Variants in EPB41L4B observed in about 807,000 individuals in gnomAD.
EPB41L4B encodes the protein erythrocyte membrane protein band 4.1 like 4B, also known as band 4.1-like protein 4B.
EPB41L4B carries 30 observed loss-of-function variants against 112.5 expected under a neutral mutation model. That is an observed-to-expected ratio of 0.27 (90% CI 0.20 to 0.36). The LOEUF is 0.36. Among genes scored for constraint, EPB41L4B ranks in the 10% least tolerant of loss-of-function variants. EPB41L4B has a pLI of 1.00. For missense variants in EPB41L4B, 1,024 were observed against 1,133.3 expected, an observed-to-expected ratio of 0.90 and a Z score of 1.38; for synonymous variants, 408 against 439.7, an observed-to-expected ratio of 0.93 and a Z score of 0.90.
chr9:109,294,010 T>G (rs1055438318), intron 1 of EPB41L4B, among the ~76,000 whole-genome samples: 3 of 152,102 alleles, frequency 2.0e-5, no homozygotes, highest in Admixed American at 6.5e-5. Context: ...CAGGTGACAT[T>G]AAGAAATCAT....
chr9:109,273,117 C>T (rs1835687804), intron 2 of EPB41L4B, among the ~76,000 whole-genome samples: 1 of 152,188 alleles, frequency 6.6e-6, no homozygotes, highest in Non-Finnish European at 1.5e-5. Context: ...TCCTTGGAAT[C>T]ATCTAAATCA....
intron 14 of EPB41L4B, 45 bp downstream of exon 14, chr9:109,247,711 A>T: frequency 7.7e-7 from 1 of 1,303,274 alleles, no homozygotes; most frequent in Non-Finnish European, 1.0e-6. Context: ...TTTTATTTTT[A>T]AAATTTTCCT....
chr9:109,226,645 A>ATG (rs1833772802), intron 15 of EPB41L4B, among the ~76,000 whole-genome samples: 1 of 137,828 alleles, frequency 7.3e-6, no homozygotes, highest in African/African-American at 2.7e-5. Context: ...ATATATATAT[A>ATG]TATGAAGAAT....
chr9:109,276,098 T>G (rs1835807810), intron 2 of EPB41L4B, among the ~76,000 whole-genome samples: 1 of 148,348 alleles, frequency 6.7e-6, no homozygotes, highest in African/African-American at 2.5e-5. Flanking sequence ...ATATTATATA[T>G]GTGTATCTAT....
intron 13 of EPB41L4B, 147 bp downstream of exon 13, chr9:109,251,334 A>G (rs986583026): frequency 2.9e-5 from 22 of 767,152 alleles, no homozygotes; most frequent in Non-Finnish European, 4.8e-5. Context: ...AGCCATGAGC[A>G]TGGAATAGCC....
intron 1 of EPB41L4B, among the ~76,000 whole-genome samples, chr9:109,305,653 T>C (rs993955303): frequency 2.0e-5 from 3 of 151,460 alleles, no homozygotes; most frequent in Non-Finnish European, 2.9e-5. Flanking sequence ...CCAGGCGTGG[T>C]GGTTCACACC....
intron 20 of EPB41L4B, among the ~76,000 whole-genome samples, chr9:109,195,266 C>T (rs1344954406): frequency 1.3e-5 from 2 of 151,928 alleles, no homozygotes; most frequent in Non-Finnish European, 2.9e-5. Flanking sequence ...AGACCCATGA[C>T]AGGTAGGCAC....
At chr9:109,176,387 G>C (rs1242213338) in intron 25 of EPB41L4B, among the ~76,000 whole-genome samples, 164 bp downstream of exon 25, 1 of 152,134 alleles carries the variant, frequency 6.6e-6, no homozygotes, top group African/African-American at 2.4e-5. Context: ...TTACAGATGA[G>C]AGCCACCGCA....
chr9:109,296,581 CTA>C (rs1188801793), intron 1 of EPB41L4B, among the ~76,000 whole-genome samples: 2 of 152,038 alleles, frequency 1.3e-5, no homozygotes, highest in Non-Finnish European at 2.9e-5. Flanking sequence ...GGTGGCATGC[CTA>C]TTTACAGAAG....
intron 1 of EPB41L4B, among the ~76,000 whole-genome samples, chr9:109,315,675 G>A (rs1355329251): frequency 1.3e-5 from 2 of 152,142 alleles, no homozygotes; most frequent in Non-Finnish European, 1.5e-5. Flanking sequence ...TCTCCAATGG[G>A]CCGGGGAGGT....
intron 15 of EPB41L4B, among the ~76,000 whole-genome samples, chr9:109,239,165 C>A (rs1033331998): frequency 2.6e-5 from 4 of 152,078 alleles, no homozygotes; most frequent in African/African-American, 9.7e-5. Flanking sequence ...GGGATCCATG[C>A]CAGTAAGAAG....
intron 15 of EPB41L4B, among the ~76,000 whole-genome samples, chr9:109,225,543 C>T (rs531053562): frequency 6.6e-6 from 1 of 152,184 alleles, no homozygotes. Flanking sequence ...GACTTATTCA[C>T]TACCACAGTA....
chr9:109,204,300 T>C (rs1236874648), intron 18 of EPB41L4B, among the ~76,000 whole-genome samples: 3 of 151,812 alleles, frequency 2.0e-5, no homozygotes, highest in Non-Finnish European at 2.9e-5. Flanking sequence ...ACACTAGTGG[T>C]CAATAGAACA....
chr9:109,298,047 A>G (rs1335975045), intron 1 of EPB41L4B, among the ~76,000 whole-genome samples: 2 of 152,098 alleles, frequency 1.3e-5, no homozygotes, highest in Non-Finnish European at 2.9e-5. Context: ...TGGGTGAGTC[A>G]GTAGTCTTAA....
At chr9:109,241,256 C>T in intron 15 of EPB41L4B, 20 of 995,054 alleles carry the variant, frequency 2.0e-5, no homozygotes, top group Non-Finnish European at 2.3e-5. Context: ...GTCCAGGCCA[C>T]ACTAGGGAAA....
chr9:109,281,584 T>A (rs1836042022), intron 1 of EPB41L4B, among the ~76,000 whole-genome samples: 1 of 152,050 alleles, frequency 6.6e-6, no homozygotes. Flanking sequence ...GCACCTGTAA[T>A]CCCGCTATTC....
chr9:109,226,750 TGAA>T (rs1460405785), intron 15 of EPB41L4B, among the ~76,000 whole-genome samples: 3 of 78,038 alleles, frequency 3.8e-5, no homozygotes, highest in Non-Finnish European at 5.8e-5. Context: ...AATATATATA[TGAA>T]GAATATATAT....
intron 2 of EPB41L4B, among the ~76,000 whole-genome samples, chr9:109,270,317 G>C (rs1476416603): frequency 6.6e-6 from 1 of 152,180 alleles, no homozygotes; most frequent in Admixed American, 6.5e-5. Context: ...AATTGTAGAG[G>C]TTATTTTGGG....
intron 13 of EPB41L4B, among the ~76,000 whole-genome samples, chr9:109,249,681 C>G (rs571748676): frequency 1.3e-5 from 2 of 152,008 alleles, no homozygotes; most frequent in Admixed American, 6.6e-5. Context: ...AGCAAGACAC[C>G]CCGACAAGCT....
Sources: allele counts gnomAD v4.1 joint callset (sites outside exome capture counted in the v4.1 genomes callset), GRCh38; gene constraint gnomAD v4.1.1; transcripts MANE v1.5; gene names NCBI Gene and HGNC (gene_info 2026-07-23, HGNC 2026-07-21).